The following EMID1 variants were observed in gnomAD, a reference collection of about 807,000 sequenced individuals.
EMID1 encodes EMI domain-containing protein 1.
A neutral mutation model predicts 60.6 loss-of-function variants in EMID1; 40 were observed. That is an observed-to-expected ratio of 0.66 (90% CI 0.51 to 0.86). EMID1 has a LOEUF of 0.86. Among genes scored for constraint, EMID1 ranks in the 40% least tolerant of loss-of-function variants. The pLI is 0.00. For missense variants in EMID1, 585 were observed against 597.1 expected (o/e 0.98, Z 0.21); for synonymous variants, 242 against 231.0 (o/e 1.05, Z -0.43).
intron 1 of EMID1, among the ~76,000 whole-genome samples, chr22:29,206,488 C>T (rs566944329): frequency 6.6e-6 from 1 of 152,354 alleles, no homozygotes; most frequent in Non-Finnish European, 1.5e-5. Context: ...CGACTCTTCT[C>T]GGACCCTCTC....
chr22:29,239,583 G>A (rs1432284972), intron 12 of EMID1, among the ~76,000 whole-genome samples: 1 of 152,188 alleles, frequency 6.6e-6, no homozygotes, highest in African/African-American at 2.4e-5. Context: ...TGCAGGTTCT[G>A]ATGTTTGTTG....
chr22:29,232,086 A>C, intron 7 of EMID1, 170 bp from the exon 8 acceptor site: 1 of 675,738 alleles, frequency 1.5e-6, no homozygotes, highest in Non-Finnish European at 2.5e-6. Flanking sequence ...CGAGGTGGAG[A>C]ACTAGGTGCT....
Position 29,215,629 on chromosome 22 carries a change from A to C in EMID1, c.318A>C (p.Glu106Asp). ...CPGHSGVSCE[E>D]VAASSASLEP... ...GGCACTCAGGAGTGAGCTGCGAGGA[A>C]GGTAGGACTGCCCGGCCGGCTCCCG... The change falls in exon 3 of 15, where the codon GAA becomes GAC. Residue 106 changes from glutamate to aspartate, a missense_variant and splice_region_variant. Transcript: ENST00000334018. 3.1e-6 allele frequency: 5 copies of C among 1,613,722 alleles called. No homozygotes were observed. Among genetic ancestry groups the C allele is most frequent in the Non-Finnish European group, 4.2e-6 (5 of 1,179,714 alleles).
chr22:29,216,777 C>A, intron 3 of EMID1: 1 of 585,062 alleles, frequency 1.7e-6, no homozygotes, highest in Non-Finnish European at 2.2e-6. Flanking sequence ...GAACTCACCA[C>A]GCAGTGGGGA....
chr22:29,223,363 G>A (rs749482460), intron 3 of EMID1, among the ~76,000 whole-genome samples: 1 of 152,254 alleles, frequency 6.6e-6, no homozygotes, highest in Non-Finnish European at 1.5e-5. Context: ...CATCACAGAG[G>A]AAACTCAAAT....
At chr22:29,215,072 C>A in intron 2 of EMID1, 33 bp downstream of exon 2, 1 of 1,505,460 alleles carries the variant, frequency 6.6e-7, no homozygotes, top group Non-Finnish European at 9.0e-7. Flanking sequence ...TGATGGCATT[C>A]CAGGTGGAGG....
chr22:29,215,250 G>C (rs1048260201), intron 2 of EMID1: 55 of 985,332 alleles, frequency 5.6e-5, no homozygotes, highest in Non-Finnish European at 6.1e-5. Context: ...TACACCATTT[G>C]CCTGCATTCC....
chr22:29,222,961 C>A (rs766658465), intron 3 of EMID1, among the ~76,000 whole-genome samples: 2 of 152,102 alleles, frequency 1.3e-5, no homozygotes. Flanking sequence ...CATTGTGGCA[C>A]GCTCCTGTTG....
chr22:29,255,080 G>A (rs1013710158), intron 14 of EMID1, among the ~76,000 whole-genome samples: 2 of 152,152 alleles, frequency 1.3e-5, no homozygotes, highest in Non-Finnish European at 2.9e-5. Flanking sequence ...CACCCATGTG[G>A]TTATTTGAGG....
At chr22:29,243,391 C>G (rs964885515) in intron 12 of EMID1, 54 bp from the exon 13 acceptor site, 1 of 1,576,346 alleles carries the variant, frequency 6.3e-7, no homozygotes, top group South Asian at 1.1e-5. Context: ...TTTTTCCCGT[C>G]CCTTTCTGTC....
chr22:29,233,686 C>T lies in EMID1; in HGVS notation c.966+20C>T. On this transcript the variant is annotated intron_variant, in intron 10 of 14. Transcript: ENST00000334018. Reference sequence around the variant, plus strand: ...CACATAGTGAGTAGTTCTCCTTGTACTCTCACCCATGTGTCTGTCCATCTT... The same window carrying T: ...CACATAGTGAGTAGTTCTCCTTGTATTCTCACCCATGTGTCTGTCCATCTT... 6.2e-7 allele frequency: 1 copy of T among 1,610,912 alleles called. No homozygotes were observed. Among genetic ancestry groups the T allele is most frequent in the East Asian group, 2.2e-5 (1 of 44,822 alleles).
intron 12 of EMID1, among the ~76,000 whole-genome samples, chr22:29,242,713 G>A (rs2041195069): frequency 6.6e-6 from 1 of 152,200 alleles, no homozygotes. Context: ...AGACTTAGTT[G>A]TAGGTTTTAT....
chr22:29,249,274 C>T (rs2041436186), intron 13 of EMID1, among the ~76,000 whole-genome samples: 1 of 151,682 alleles, frequency 6.6e-6, no homozygotes, highest in African/African-American at 2.4e-5. Flanking sequence ...TCTCTGTCAC[C>T]GAGGCTGGAG....
chr22:29,223,852 G>C (rs2040394969), intron 3 of EMID1, among the ~76,000 whole-genome samples: 1 of 152,252 alleles, frequency 6.6e-6, no homozygotes, highest in South Asian at 2.1e-4. Context: ...GAAGTGCTTA[G>C]ATGGTGCCAG....
chr22:29,225,565 C>G (rs376440783), intron 4 of EMID1, among the ~76,000 whole-genome samples: 1 of 152,186 alleles, frequency 6.6e-6, no homozygotes, highest in Non-Finnish European at 1.5e-5. Context: ...ATCAGCAGCT[C>G]GTTTAGACCT....
At chr22:29,254,702 G>A (rs2041641500) in intron 14 of EMID1, 1 of 217,032 alleles carries the variant, frequency 4.6e-6, no homozygotes, top group Non-Finnish European at 9.3e-6. Flanking sequence ...CACAGCTCAG[G>A]ACAACAGGAG....
At chr22:29,232,187 T>C in intron 7 of EMID1, 69 bp from the exon 8 acceptor site, 1 of 1,594,130 alleles carries the variant, frequency 6.3e-7, no homozygotes, top group South Asian at 1.1e-5. Flanking sequence ...TGCCTTGTCC[T>C]GTCGCTCAAG....
chr22:29,211,946 C>T (rs934061252), intron 1 of EMID1, among the ~76,000 whole-genome samples: 1 of 152,230 alleles, frequency 6.6e-6, no homozygotes, highest in Non-Finnish European at 1.5e-5. Context: ...CTTATGCCCC[C>T]ACTCTCCATA....
intron 5 of EMID1, 51 bp downstream of exon 5, chr22:29,226,602 C>T (rs780009421): frequency 3.8e-6 from 6 of 1,567,534 alleles, no homozygotes; most frequent in Non-Finnish European, 5.2e-6. Flanking sequence ...CAGGCCAGTC[C>T]AGGCAACCAC....
Sources: gnomAD v4.1 joint callset for allele counts (sites outside exome capture counted in the v4.1 genomes callset) on GRCh38, gnomAD v4.1.1 for gene constraint, MANE v1.5 for transcripts, NCBI Gene and HGNC (gene_info 2026-07-23, HGNC 2026-07-21) for gene names.